Variants in KLF7 observed in about 807,000 individuals in gnomAD.
KLF7 encodes the protein KLF transcription factor 7, also known as Krueppel-like factor 7.
A neutral mutation model predicts 27.3 loss-of-function variants in KLF7; 2 were observed. The ratio of observed to expected loss-of-function variants is 0.07; its 90% CI spans 0.03 to 0.23. The LOEUF (loss-of-function observed/expected upper bound fraction) is 0.23. Ranked by LOEUF, KLF7 falls within the 10% of genes least tolerant of loss-of-function variation. The probability of loss-of-function intolerance (pLI) is 1.00; values close to 1 mark genes in which losing one functional copy is unlikely to be tolerated. For missense variants in KLF7, 221 were observed against 394.1 expected (o/e 0.56, Z 3.72); for synonymous variants, 165 against 162.4 (o/e 1.02, Z -0.12).
intron 1 of KLF7, chr2:207,134,257 A>G: frequency 1.4e-6 from 1 of 702,552 alleles, no homozygotes; most frequent in South Asian, 2.3e-5. Context: ...CCCTTCCCCT[A>G]CCCCCATAAA....
rs548630833 is a variant in KLF7, at chr2:207,084,911, C to T, written c.857+3547G>A. ...GGCGTCGTGGCTCGCGCCTGTAATC[C>T]CAGCACTTTGGGAGGCTGAGGTGGG... On this transcript the variant is annotated intron_variant, in intron 3 of 3. Transcript: ENST00000309446. Among the ~76,000 whole-genome samples, 578 of 152,046 alleles carry T rather than the reference C, an allele frequency of 3.8e-3. 7 individuals carry two copies. The highest frequency in any genetic ancestry group is 0.013 in the African/African-American group (545 of 41,486).
At chr2:207,104,148 GGAGA>G (rs954344421) in intron 2 of KLF7, among the ~76,000 whole-genome samples, 1 of 152,176 alleles carries the variant, frequency 6.6e-6, no homozygotes, top group African/African-American at 2.4e-5. Context: ...AATACCACAT[GGAGA>G]GAAACTGCCC....
chr2:207,152,115 G>T (rs1476883701), intron 1 of KLF7, among the ~76,000 whole-genome samples: 1 of 152,030 alleles, frequency 6.6e-6, no homozygotes, highest in African/African-American at 2.4e-5. Context: ...ATAATACCCT[G>T]GACTTTTTCA....
chr2:207,087,125 G>C (rs970302473), intron 3 of KLF7, among the ~76,000 whole-genome samples: 2 of 152,216 alleles, frequency 1.3e-5, no homozygotes, highest in Non-Finnish European at 2.9e-5. Flanking sequence ...GTAATGGATG[G>C]AAATGTAATA....
chr2:207,134,087 C>A, intron 1 of KLF7: 1 of 1,535,524 alleles, frequency 6.5e-7, no homozygotes, highest in South Asian at 1.2e-5. Flanking sequence ...GGGAACATGC[C>A]GAACCAGTTA....
intron 1 of KLF7, among the ~76,000 whole-genome samples, chr2:207,133,520 A>C (rs2106026383): frequency 6.6e-6 from 1 of 152,328 alleles, no homozygotes; most frequent in South Asian, 2.1e-4. Context: ...CTCTTTTCAG[A>C]GGAGTGATGG....
chr2:207,122,056 A>G (rs1483135510), intron 2 of KLF7: 1 of 152,218 alleles, frequency 6.6e-6, no homozygotes, highest in African/African-American at 2.4e-5. Context: ...GCCTGGGAGC[A>G]CTGCAATGTC....
At chr2:207,108,002 T>C (rs531558647) in intron 2 of KLF7, among the ~76,000 whole-genome samples, 1 of 152,152 alleles carries the variant, frequency 6.6e-6, no homozygotes, top group Non-Finnish European at 1.5e-5. Flanking sequence ...AACAGATTTT[T>C]AAAAAAATGC....
Position 207,075,229 on chromosome 2 carries a change from AATT to A in KLF7, c.*5981_*5983del, listed in dbSNP as rs1325768315. The A allele has an allele frequency of 6.6e-6, 1 of 151,944 alleles. No individual in the cohort carries two copies. The highest frequency in any genetic ancestry group is 1.5e-5 in the Non-Finnish European group (1 of 67,982). The allele number at this position is 151,944 out of a possible 1,614,324, so 9.4% of individuals were successfully genotyped here. A position where few individuals can be genotyped will look rare whatever the true frequency, so the allele number is the denominator to read the frequency against. On this transcript the variant is annotated 3_prime_UTR_variant, in exon 4 of 4. Coordinates refer to ENST00000309446, the MANE Select transcript of KLF7 (RefSeq NM_003709.4). ...ATGAAACAGACCAGTAACAAAAATAAATTTTTTCTTCATTAATAATTTTGTAAC... is the reference window on the plus strand; with the variant it reads ...ATGAAACAGACCAGTAACAAAAATAATTTTCTTCATTAATAATTTTGTAAC...
At chr2:207,085,642 G>A (rs184598420) in intron 3 of KLF7, among the ~76,000 whole-genome samples, 2 of 152,264 alleles carry the variant, frequency 1.3e-5, no homozygotes, top group Admixed American at 1.3e-4. Flanking sequence ...ATGTGCCGTG[G>A]GTCAAGTGTA....
At chr2:207,167,360 T>C (rs1348929806), upstream of KLF7, 7 of 344,130 alleles carry the variant, frequency 2.0e-5, no homozygotes, top group Non-Finnish European at 3.1e-5. Flanking sequence ...GCTTCCACTT[T>C]TGGAATGATT....
At chr2:207,164,519 C>A (rs2078642487) in intron 1 of KLF7, among the ~76,000 whole-genome samples, 3 of 123,690 alleles carry the variant, frequency 2.4e-5, no homozygotes, top group East Asian at 2.9e-4. Flanking sequence ...CTGAAAAAAA[C>A]CACTGTTTCC....
At chr2:207,116,697 C>G (rs998792398) in intron 2 of KLF7, among the ~76,000 whole-genome samples, 1 of 152,184 alleles carries the variant, frequency 6.6e-6, no homozygotes, top group Non-Finnish European at 1.5e-5. Context: ...AAAGTTTACA[C>G]TTGGCCTTCT....
chr2:207,100,267 A>C (rs1300945367), intron 2 of KLF7, among the ~76,000 whole-genome samples: 1 of 152,236 alleles, frequency 6.6e-6, no homozygotes, highest in African/African-American at 2.4e-5. Flanking sequence ...GGCAAATTTC[A>C]AATCAGTGAA....
intron 2 of KLF7, among the ~76,000 whole-genome samples, chr2:207,108,995 T>C (rs958930934): frequency 2.0e-5 from 3 of 152,216 alleles, no homozygotes; most frequent in African/African-American, 7.2e-5. Context: ...GGCATCTCCA[T>C]TTGGGTTTTC....
intron 1 of KLF7, among the ~76,000 whole-genome samples, chr2:207,132,357 C>T (rs2077658378): frequency 6.6e-6 from 1 of 152,212 alleles, no homozygotes. Context: ...TTATATATTT[C>T]CCTCTGGTAA....
At chr2:207,112,442 C>T (rs896204931) in intron 2 of KLF7, among the ~76,000 whole-genome samples, 1 of 152,178 alleles carries the variant, frequency 6.6e-6, no homozygotes, top group Non-Finnish European at 1.5e-5. Flanking sequence ...GGGCTTGTAG[C>T]TCAGCCTAGG....
intron 3 of KLF7, among the ~76,000 whole-genome samples, chr2:207,085,986 C>CA (rs1162167373): frequency 0.43 from 47,525 of 109,542 alleles, 8,401 homozygotes; most frequent in African/African-American, 0.55. Flanking sequence ...AAATGTTGGC[C>CA]AAAAAAAAAA....
At chr2:207,164,025 T>C (rs1178660406) in intron 1 of KLF7, among the ~76,000 whole-genome samples, 2 of 152,214 alleles carry the variant, frequency 1.3e-5, no homozygotes, top group African/African-American at 2.4e-5. Flanking sequence ...TGGACAAGAA[T>C]GCATGTGTGG....
Sources: allele counts gnomAD v4.1 joint callset (sites outside exome capture counted in the v4.1 genomes callset), GRCh38; gene constraint gnomAD v4.1.1; transcripts MANE v1.5; gene names NCBI Gene and HGNC (gene_info 2026-07-23, HGNC 2026-07-21).